SLC4A10: variants seen among roughly 807,000 people sequenced by gnomAD.
SLC4A10 encodes sodium-driven chloride bicarbonate exchanger.
In SLC4A10, 42 loss-of-function variants were observed where a neutral mutation model predicts 137.7. The observed-to-expected ratio is 0.30, with a 90% CI of 0.24 to 0.39. The LOEUF (loss-of-function observed/expected upper bound fraction) is 0.39. Ranked by LOEUF, SLC4A10 falls within the 10% of genes least tolerant of loss-of-function variation. The pLI, the probability that SLC4A10 is intolerant of heterozygous loss-of-function variation, is 1.00. For synonymous variants in SLC4A10, 474 were observed against 464.1 expected, an observed-to-expected ratio of 1.02 and a Z score of -0.27; for missense variants, 925 against 1,355.0, an observed-to-expected ratio of 0.68 and a Z score of 4.98.
At chr2:161,756,738 C>G (rs904781854) in intron 1 of SLC4A10, among the ~76,000 whole-genome samples, 2 of 152,062 alleles carry the variant, frequency 1.3e-5, no homozygotes, top group South Asian at 4.1e-4. Context: ...TCTCTTCCTA[C>G]AGTCCAGGAA....
intron 7 of SLC4A10, among the ~76,000 whole-genome samples, chr2:161,873,530 C>CAAAAAAAAAAAAAAA: frequency 5.8e-5 from 1 of 17,328 alleles, no homozygotes; most frequent in Non-Finnish European, 1.1e-4. Context: ...GACCACATCT[C>CAAAAAAAAAAAAAAA]AAAAAAAAAA....
intron 3 of SLC4A10, among the ~76,000 whole-genome samples, chr2:161,816,953 T>C (rs1419708290): frequency 6.6e-6 from 1 of 152,196 alleles, no homozygotes; most frequent in Non-Finnish European, 1.5e-5. Flanking sequence ...TGTGCATGTG[T>C]CTTTATGGCA....
intron 1 of SLC4A10, among the ~76,000 whole-genome samples, chr2:161,757,072 G>A (rs577865485): frequency 1.3e-5 from 2 of 152,142 alleles, no homozygotes; most frequent in Non-Finnish European, 2.9e-5. Context: ...TAAACATTGA[G>A]TAAGATGGAC....
At chr2:161,782,356 T>G (rs2125481554) in intron 2 of SLC4A10, among the ~76,000 whole-genome samples, 1 of 152,138 alleles carries the variant, frequency 6.6e-6, no homozygotes, top group East Asian at 1.9e-4. Flanking sequence ...AATCTCTTCC[T>G]GGACTTATTG....
chr2:161,655,909 G>A (rs1332449567), intron 1 of SLC4A10, among the ~76,000 whole-genome samples: 1 of 151,350 alleles, frequency 6.6e-6, no homozygotes, highest in East Asian at 1.9e-4. Context: ...TGTCTCCCTG[G>A]TTCAAGCAAT....
chr2:161,802,862 T>C (rs1159545083), intron 2 of SLC4A10, among the ~76,000 whole-genome samples: 2 of 152,068 alleles, frequency 1.3e-5, no homozygotes, highest in Non-Finnish European at 2.9e-5. Context: ...ATTGGATGGA[T>C]CCAGCCCCAC....
chr2:161,775,679 C>T (rs2052235305), intron 2 of SLC4A10, among the ~76,000 whole-genome samples: 1 of 151,898 alleles, frequency 6.6e-6, no homozygotes, highest in African/African-American at 2.4e-5. Context: ...GAAAGTAACC[C>T]AGTGCCCCTT....
intron 26 of SLC4A10, among the ~76,000 whole-genome samples, chr2:161,978,086 T>C (rs534296083): frequency 6.6e-6 from 1 of 152,222 alleles, no homozygotes; most frequent in African/African-American, 2.4e-5. Context: ...TTTGTCCCTG[T>C]AAGAAATTGA....
At chr2:161,859,894 C>T (rs1411499317) in intron 5 of SLC4A10, among the ~76,000 whole-genome samples, 1 of 152,182 alleles carries the variant, frequency 6.6e-6, no homozygotes, top group African/African-American at 2.4e-5. Flanking sequence ...GCCACCGCGC[C>T]TTTTCTCTTA....
intron 1 of SLC4A10, among the ~76,000 whole-genome samples, chr2:161,748,405 T>A (rs568027414): frequency 3.2e-4 from 49 of 151,836 alleles, no homozygotes; most frequent in Non-Finnish European, 6.5e-4. Context: ...CAATTTTAAA[T>A]CTTACGTCTA....
intron 3 of SLC4A10, among the ~76,000 whole-genome samples, chr2:161,829,647 C>T (rs2058293993): frequency 6.6e-6 from 1 of 152,064 alleles, no homozygotes; most frequent in African/African-American, 2.4e-5. Context: ...AATGTTTTCT[C>T]ATGTTCTGTA....
chr2:161,694,935 C>T (rs1222609688), intron 1 of SLC4A10, among the ~76,000 whole-genome samples: 1 of 151,836 alleles, frequency 6.6e-6, no homozygotes, highest in Non-Finnish European at 1.5e-5. Context: ...GTCCCATAAT[C>T]AAAGTTATTA....
intron 1 of SLC4A10, among the ~76,000 whole-genome samples, chr2:161,658,070 C>A (rs544915236): frequency 1.9e-4 from 29 of 151,810 alleles, no homozygotes; most frequent in Admixed American, 1.6e-3. Flanking sequence ...TTTTTCTTTT[C>A]CTGCAAGCAA....
chr2:161,639,501 T>G (rs1008084761), intron 1 of SLC4A10, among the ~76,000 whole-genome samples: 1 of 152,016 alleles, frequency 6.6e-6, no homozygotes, highest in Non-Finnish European at 1.5e-5. Flanking sequence ...TACATCACAT[T>G]AACAGAAAGA....
chr2:161,928,452 G>A (rs1689647878), intron 15 of SLC4A10, among the ~76,000 whole-genome samples: 1 of 150,314 alleles, frequency 6.7e-6, no homozygotes, highest in South Asian at 2.1e-4. Context: ...CAGCACACCA[G>A]CATGGCACAT....
intron 15 of SLC4A10, among the ~76,000 whole-genome samples, chr2:161,923,990 G>T (rs767530266): frequency 6.6e-6 from 1 of 152,082 alleles, no homozygotes; most frequent in Non-Finnish European, 1.5e-5. Context: ...GGAGACCTCA[G>T]TGTTCTAAGC....
chr2:161,687,032 C>A (rs2041496254), intron 1 of SLC4A10, among the ~76,000 whole-genome samples: 1 of 151,974 alleles, frequency 6.6e-6, no homozygotes, highest in African/African-American at 2.4e-5. Context: ...TAGGCACACG[C>A]CACCATGCCC....
At chr2:161,880,942 G>A (rs187139599) in intron 9 of SLC4A10, among the ~76,000 whole-genome samples, 1 of 152,158 alleles carries the variant, frequency 6.6e-6, no homozygotes, top group African/African-American at 2.4e-5. Context: ...CCCTTACTGT[G>A]AAAACTGTCA....
At chr2:161,743,525 T>A (rs1392037310) in intron 1 of SLC4A10, among the ~76,000 whole-genome samples, 1 of 152,220 alleles carries the variant, frequency 6.6e-6, no homozygotes, top group African/African-American at 2.4e-5. Context: ...ACTATAGCTC[T>A]ATAATATAAT....
Sources: gnomAD v4.1 joint callset for allele counts (sites outside exome capture counted in the v4.1 genomes callset) on GRCh38, gnomAD v4.1.1 for gene constraint, MANE v1.5 for transcripts, NCBI Gene and HGNC (gene_info 2026-07-23, HGNC 2026-07-21) for gene names.